Variants in KSR2 observed in about 807,000 individuals in gnomAD.
KSR2 encodes the protein kinase suppressor of ras 2.
In KSR2, 25 loss-of-function variants were observed where a neutral mutation model predicts 107.8. That is an observed-to-expected ratio of 0.23 (90% CI 0.17 to 0.32). The LOEUF is 0.32. KSR2 is among the 10% of genes least tolerant of loss of function. The pLI, the probability that KSR2 is intolerant of heterozygous loss-of-function variation, is 1.00. For synonymous variants in KSR2, 480 were observed against 507.0 expected, an observed-to-expected ratio of 0.95 and a Z score of 0.71; for missense variants, 887 against 1,268.9, an observed-to-expected ratio of 0.70 and a Z score of 4.57.
chr12:117,751,290 T>C (rs1455510216), intron 4 of KSR2, among the ~76,000 whole-genome samples: 1 of 152,224 alleles, frequency 6.6e-6, no homozygotes, highest in Non-Finnish European at 1.5e-5. Flanking sequence ...GTGAGTCCAT[T>C]AAACCTCTTT....
chr12:117,612,579 TA>T (rs1431231656), intron 5 of KSR2, among the ~76,000 whole-genome samples: 1 of 151,916 alleles, frequency 6.6e-6, no homozygotes, highest in African/African-American at 2.4e-5. Context: ...CTGAAAAAAT[TA>T]AAAAAGCAAC....
At chr12:117,914,514 T>C (rs192688175) in intron 1 of KSR2, among the ~76,000 whole-genome samples, 34 of 150,950 alleles carry the variant, frequency 2.3e-4, no homozygotes, top group African/African-American at 8.3e-4. Flanking sequence ...GTTTGGAAAA[T>C]ACTCCACTGG....
At chr12:117,777,101 TATATATACAC>T (rs1222188094) in intron 3 of KSR2, among the ~76,000 whole-genome samples, 2 of 107,280 alleles carry the variant, frequency 1.9e-5, no homozygotes, top group Non-Finnish European at 3.6e-5. Flanking sequence ...TATATATATA[TATATATACAC>T]ACACACACCA....
intron 4 of KSR2, among the ~76,000 whole-genome samples, chr12:117,693,047 C>A (rs1489216336): frequency 6.6e-6 from 1 of 152,122 alleles, no homozygotes; most frequent in Non-Finnish European, 1.5e-5. Context: ...GTCGATCTCA[C>A]GTTATGTGAA....
At chr12:117,900,384 G>A (rs1307294466) in intron 1 of KSR2, among the ~76,000 whole-genome samples, 1 of 152,198 alleles carries the variant, frequency 6.6e-6, no homozygotes, top group East Asian at 1.9e-4. Context: ...CTTGATAGCA[G>A]CTAAAGGAAA....
chr12:117,571,230 C>T (rs1878874949), intron 7 of KSR2, among the ~76,000 whole-genome samples: 1 of 152,074 alleles, frequency 6.6e-6, no homozygotes, highest in South Asian at 2.1e-4. Flanking sequence ...TGTACTCCAT[C>T]CTGGGCAACA....
intron 4 of KSR2, among the ~76,000 whole-genome samples, chr12:117,703,327 A>G (rs951718862): frequency 2.0e-5 from 3 of 152,236 alleles, no homozygotes; most frequent in Admixed American, 6.5e-5. Context: ...GAGTAGGGTA[A>G]GGTGCATGAG....
chr12:117,881,850 C>A (rs10850921), intron 1 of KSR2, among the ~76,000 whole-genome samples: 22,161 of 152,034 alleles, frequency 0.15, 2,093 homozygotes, highest in East Asian at 0.46. Flanking sequence ...TGACTCAATG[C>A]ATCTTTGCCC....
chr12:117,642,971 A>G (rs1486835778), intron 5 of KSR2, among the ~76,000 whole-genome samples: 2 of 152,154 alleles, frequency 1.3e-5, no homozygotes, highest in South Asian at 2.1e-4. Flanking sequence ...TCATTCATCT[A>G]CTGAGGTTTT....
chr12:117,852,950 C>T (rs535568047), intron 3 of KSR2, among the ~76,000 whole-genome samples: 96 of 152,220 alleles, frequency 6.3e-4, no homozygotes, highest in African/African-American at 2.0e-3. Context: ...TACAGGCATG[C>T]GCCACCAAGC....
intron 2 of KSR2, 61 bp downstream of exon 2, chr12:117,860,230 C>A: frequency 1.3e-6 from 2 of 1,553,260 alleles, no homozygotes; most frequent in Non-Finnish European, 1.8e-6. Flanking sequence ...AGCTCAAGAG[C>A]AACACAGGGG....
intron 7 of KSR2, among the ~76,000 whole-genome samples, chr12:117,574,856 G>A (rs976805641): frequency 7.0e-6 from 1 of 141,886 alleles, no homozygotes; most frequent in Non-Finnish European, 1.5e-5. Context: ...CACCCAGGGA[G>A]TTTCTGGCAG....
intron 3 of KSR2, among the ~76,000 whole-genome samples, chr12:117,800,401 G>A (rs180892368): frequency 9.2e-5 from 14 of 152,094 alleles, no homozygotes; most frequent in African/African-American, 2.9e-4. Context: ...AGCCTAAAAC[G>A]TCCAAGAGTC....
intron 5 of KSR2, among the ~76,000 whole-genome samples, chr12:117,589,717 G>A (rs1400627953): frequency 1.3e-5 from 2 of 152,246 alleles, no homozygotes; most frequent in East Asian, 3.8e-4. Flanking sequence ...TCACATAGCA[G>A]AGGATAACTC....
chr12:117,470,444 T>C (rs890399831), intron 18 of KSR2, among the ~76,000 whole-genome samples: 9 of 152,212 alleles, frequency 5.9e-5, no homozygotes, highest in Non-Finnish European at 7.3e-5. Flanking sequence ...TCCCATGTAC[T>C]TTCTGAGCCC....
chr12:117,899,508 A>T (rs11068722), intron 1 of KSR2, among the ~76,000 whole-genome samples: 1 of 152,206 alleles, frequency 6.6e-6, no homozygotes, highest in Non-Finnish European at 1.5e-5. Context: ...TTAGAAAAAT[A>T]AAAAATGAAT....
intron 4 of KSR2, among the ~76,000 whole-genome samples, chr12:117,698,283 C>T (rs604356): frequency 0.82 from 123,980 of 151,992 alleles, 50,741 homozygotes; most frequent in Middle Eastern, 0.91. Flanking sequence ...GTTGAACTCC[C>T]GAGACGTCCC....
chr12:117,917,620 G>T (rs191820098), intron 1 of KSR2, among the ~76,000 whole-genome samples: 203 of 152,294 alleles, frequency 1.3e-3, no homozygotes, highest in Middle Eastern at 3.4e-3. Context: ...ACCAGGGCAT[G>T]GGGGGTAGGG....
chr12:117,483,386 TAAATA>T (rs887920795), intron 16 of KSR2, among the ~76,000 whole-genome samples: 4 of 151,098 alleles, frequency 2.6e-5, no homozygotes, highest in African/African-American at 9.7e-5. Flanking sequence ...AAAAAATAAA[TAAATA>T]AAATAAAAAA....
Sources: gnomAD v4.1 joint callset for allele counts (sites outside exome capture counted in the v4.1 genomes callset) on GRCh38, gnomAD v4.1.1 for gene constraint, MANE v1.5 for transcripts, NCBI Gene and HGNC (gene_info 2026-07-23, HGNC 2026-07-21) for gene names.